KIAA1217: variants seen among roughly 807,000 people sequenced by gnomAD.
The protein encoded by KIAA1217 is KIAA1217.
KIAA1217 carries 88 observed loss-of-function variants against 163.9 expected under a neutral mutation model. The observed-to-expected ratio is 0.54, with a 90% CI of 0.45 to 0.64. The LOEUF is 0.64. KIAA1217 is among the 30% of genes least tolerant of loss of function. The pLI is 0.00. For missense variants in KIAA1217, 2,372 were observed against 2,475.0 expected, an observed-to-expected ratio of 0.96 and a Z score of 0.88; for synonymous variants, 903 against 923.1, an observed-to-expected ratio of 0.98 and a Z score of 0.39.
At chr10:23,720,085 T>C (rs1175995343) in intron 1 of KIAA1217, among the ~76,000 whole-genome samples, 1 of 151,756 alleles carries the variant, frequency 6.6e-6, no homozygotes, top group Non-Finnish European at 1.5e-5. Flanking sequence ...ATGATGGAAA[T>C]ATTTTGCAAC....
intron 1 of KIAA1217, among the ~76,000 whole-genome samples, chr10:23,829,890 T>C (rs989022723): frequency 1.2e-4 from 19 of 152,222 alleles, no homozygotes; most frequent in African/African-American, 4.3e-4. Context: ...GCTCATGTTG[T>C]GAAACTAAAT....
At chr10:24,265,340 G>A (rs1390322911) in intron 2 of KIAA1217, among the ~76,000 whole-genome samples, 2 of 152,210 alleles carry the variant, frequency 1.3e-5, no homozygotes, top group Non-Finnish European at 2.9e-5. Flanking sequence ...ATGTATGTAT[G>A]TAGTCCTTTG....
chr10:23,727,048 C>A (rs1005374325), intron 1 of KIAA1217, among the ~76,000 whole-genome samples: 1 of 127,260 alleles, frequency 7.9e-6, no homozygotes, highest in African/African-American at 3.1e-5. Context: ...AGTGCAGTGG[C>A]ATGATCTTGG....
At chr10:24,208,121 CT>C (rs796178842), upstream of KIAA1217, among the ~76,000 whole-genome samples, 786 of 135,298 alleles carry the variant, frequency 5.8e-3, 1 homozygote, top group Middle Eastern at 0.012. Flanking sequence ...TTCCCATCCT[CT>C]TTTTTTTTTT....
intron 2 of KIAA1217, among the ~76,000 whole-genome samples, chr10:24,376,517 C>T (rs561504421): frequency 4.6e-5 from 7 of 152,270 alleles, no homozygotes; most frequent in African/African-American, 1.7e-4. Flanking sequence ...AATCCTAGCA[C>T]TTTGGGAGAC....
intron 2 of KIAA1217, among the ~76,000 whole-genome samples, chr10:24,064,622 C>A: frequency 6.6e-6 from 1 of 152,078 alleles, no homozygotes; most frequent in Middle Eastern, 3.2e-3. Context: ...TGTGTCTCTG[C>A]CTGGCTTTGG....
At chr10:24,520,651 AATATATATATAT>A (rs71472811) in intron 11 of KIAA1217, among the ~76,000 whole-genome samples, 2 of 39,678 alleles carry the variant, frequency 5.0e-5, no homozygotes, top group African/African-American at 8.8e-5. Flanking sequence ...AAAAAAAAAA[AATATATATATAT>A]ATATATATAT....
intron 2 of KIAA1217, among the ~76,000 whole-genome samples, chr10:24,164,351 C>T (rs755213304): frequency 3.9e-5 from 6 of 152,240 alleles, no homozygotes; most frequent in Non-Finnish European, 8.8e-5. Context: ...GACATCCTCT[C>T]CCCTACAGGC....
chr10:23,993,782 T>C (rs924724551), intron 1 of KIAA1217, among the ~76,000 whole-genome samples: 1 of 151,294 alleles, frequency 6.6e-6, no homozygotes, highest in Non-Finnish European at 1.5e-5. Context: ...GTTTCACCAT[T>C]TTGGCCAGGC....
chr10:23,816,010 TA>T (rs1837298547), intron 1 of KIAA1217, among the ~76,000 whole-genome samples: 1 of 152,190 alleles, frequency 6.6e-6, no homozygotes, highest in African/African-American at 2.4e-5. Flanking sequence ...TTGAAATTAA[TA>T]AAAGTTAATG....
intron 2 of KIAA1217, among the ~76,000 whole-genome samples, chr10:24,286,664 G>A (rs913952801): frequency 6.6e-6 from 1 of 152,064 alleles, no homozygotes; most frequent in African/African-American, 2.4e-5. Context: ...TGCTGATTCT[G>A]GCTTTAAAAG....
Position 23,704,146 on chromosome 10 carries a change from A to ATGTATGTGTGTGTG in KIAA1217, c.-321+8915_-321+8916insATGTGTGTGTGTGT, listed in dbSNP as rs1400240204. Among the ~76,000 whole-genome samples, 30 of 64,872 alleles carry ATGTATGTGTGTGTG rather than the reference A, an allele frequency of 4.6e-4. 1 individual carries two copies. Among genetic ancestry groups the ATGTATGTGTGTGTG allele is most frequent in the African/African-American group, 1.9e-3 (23 of 12,126 alleles). The allele number at this position is 64,872 out of a possible 152,430, so 42.6% of individuals were successfully genotyped here. On this transcript the variant is annotated intron_variant, in intron 1 of 18. Coordinates refer to the KIAA1217 transcript ENST00000376462. ...CATATATGCATGTATGTGTGTGTGT[A>ATGTATGTGTGTGTG]TGTGTGTGTGTGTGTGTGTGTGTGT...
chr10:23,942,959 A>G (rs1032956958), intron 1 of KIAA1217, among the ~76,000 whole-genome samples: 1 of 151,736 alleles, frequency 6.6e-6, no homozygotes, highest in Admixed American at 6.6e-5. Flanking sequence ...AAAAAAAAAA[A>G]AAAACTAAAA....
chr10:23,793,190 C>T (rs565662901), intron 1 of KIAA1217, among the ~76,000 whole-genome samples: 2 of 152,120 alleles, frequency 1.3e-5, no homozygotes, highest in Non-Finnish European at 2.9e-5. Context: ...ATGTTCTTGT[C>T]AGGATGAGAT....
intron 1 of KIAA1217, among the ~76,000 whole-genome samples, chr10:23,735,965 A>C (rs769601752): frequency 1.3e-5 from 2 of 152,220 alleles, no homozygotes; most frequent in Non-Finnish European, 2.9e-5. Context: ...CTAGGAGTGG[A>C]ATGGCTGTGT....
rs552391365 is a variant in KIAA1217, at chr10:23,908,964, C to A, written c.-320-98261C>A. Among the ~76,000 whole-genome samples the A allele has an allele frequency of 8.5e-5, 13 of 152,132 alleles. No homozygotes were observed. In the South Asian group the frequency reaches 2.5e-3, roughly 29 times the overall value. ...AAAATGTGGAAACAACCCAAATGCC[C>A]ATCAATCAACGAGTGGATAAAGAAA... On this transcript the variant is annotated intron_variant, in intron 1 of 18. Transcript: ENST00000376462.
chr10:24,528,493 A>AT (rs1006686485), intron 14 of KIAA1217, among the ~76,000 whole-genome samples: 8 of 150,150 alleles, frequency 5.3e-5, no homozygotes, highest in Admixed American at 2.0e-4. Flanking sequence ...CACATGTCTA[A>AT]TTTTTTTTTA....
chr10:24,309,016 G>C (rs904300611), intron 2 of KIAA1217, among the ~76,000 whole-genome samples: 8 of 151,468 alleles, frequency 5.3e-5, no homozygotes, highest in African/African-American at 1.9e-4. Context: ...CCAGCTACTT[G>C]GGAGGCTGAG....
At chr10:24,127,994 C>T (rs966069203) in intron 2 of KIAA1217, among the ~76,000 whole-genome samples, 1 of 152,156 alleles carries the variant, frequency 6.6e-6, no homozygotes, top group African/African-American at 2.4e-5. Context: ...TCTTCTCATA[C>T]TCAATACCCA....
Sources: gnomAD v4.1 joint callset for allele counts (sites outside exome capture counted in the v4.1 genomes callset) on GRCh38, gnomAD v4.1.1 for gene constraint, MANE v1.5 for transcripts, NCBI Gene and HGNC (gene_info 2026-07-23, HGNC 2026-07-21) for gene names.